Variants in COL16A1 observed in about 807,000 individuals in gnomAD.
The protein encoded by COL16A1 is collagen alpha-1(XVI) chain.
Under a neutral mutation model 266.3 loss-of-function variants are expected in COL16A1, and 189 were observed. The ratio of observed to expected loss-of-function variants is 0.71; its 90% CI spans 0.63 to 0.80. The LOEUF (loss-of-function observed/expected upper bound fraction) is 0.80, where lower values mean the gene tolerates loss of function less well. Ranked by LOEUF, COL16A1 falls within the 30% of genes least tolerant of loss-of-function variation. The pLI is 0.00. For synonymous variants in COL16A1, 740 were observed against 782.3 expected (o/e 0.95, Z 0.90); for missense variants, 1,928 against 2,122.4 (o/e 0.91, Z 1.80).
Position 31,670,236 on chromosome 1 carries a change from G to A in COL16A1, c.3195+366C>T, listed in dbSNP as rs1002493877. ...GAGAAGCAGGAGGCAGAGCGAGAAG[G>A]CAGGAATGGAGGGGCCCCCTAGAGG... On this transcript the variant is annotated intron_variant, in intron 49 of 70. Transcript: ENST00000373672. This position sits in a 1 kb window ranked among gnomAD's most constrained non-coding sequence, Gnocchi z 4.5. The A allele has an allele frequency of 4.0e-5, 10 of 251,330 alleles. No homozygotes were observed. The highest frequency in any genetic ancestry group is 1.3e-4 in the African/African-American group (6 of 44,666). 15.6% of individuals were successfully genotyped at this position (251,330 alleles called of 1,614,324 possible). A position where few individuals can be genotyped will look rare whatever the true frequency, so the allele number is the denominator to read the frequency against.
At chr1:31,676,662 G>C (rs532381892) in intron 42 of COL16A1, among the ~76,000 whole-genome samples, 19 of 152,274 alleles carry the variant, frequency 1.2e-4, no homozygotes, top group African/African-American at 4.6e-4. Context: ...TGGCTGCAAC[G>C]ATGTTTACAT....
intron 42 of COL16A1, among the ~76,000 whole-genome samples, chr1:31,676,670 C>T (rs150480397): frequency 9.2e-5 from 14 of 152,336 alleles, no homozygotes; most frequent in African/African-American, 2.6e-4. Flanking sequence ...ACGATGTTTA[C>T]ATTAAATCCA....
chr1:31,672,769 T>C lies in COL16A1; in HGVS notation c.2931A>G (p.Gly977=), dbSNP rs1409117267. The C allele has an allele frequency of 1.9e-6, 3 of 1,614,020 alleles. No individual in the cohort carries two copies. In the African/African-American group the frequency reaches 4.0e-5, roughly 22 times the overall value. Residue 977 remains glycine (G), a synonymous_variant, in exon 45 of 71, where the codon GGA becomes GGG. Transcript: ENST00000373672. ...CTGGCACACCAGGGATGCCCTGGTC[T>C]CCCTTCTCTCCCTTCTCCACGAGGT... ...PGYLVEKGEK[G]DQGIPGVPGL...
At position 31,657,927 on chromosome 1, in the gene COL16A1, T is replaced by TA. The variant is rs1557608107; in HGVS notation, c.4020+560dup. Among the ~76,000 whole-genome samples, 1 of 152,216 alleles carries TA rather than the reference T, an allele frequency of 6.6e-6. No individual in the cohort carries two copies. Among genetic ancestry groups the TA allele is most frequent in the African/African-American group, 2.4e-5 (1 of 41,460 alleles). Reference sequence around the variant, plus strand: ...GCTATGTGACTCCGAGCAACCTGCCTAACCTTGCGGAGCCCCCGTTTCCTC... The same window carrying TA: ...GCTATGTGACTCCGAGCAACCTGCCTAAACCTTGCGGAGCCCCCGTTTCCTC... On this transcript the variant is annotated intron_variant, in intron 64 of 70. Coordinates refer to ENST00000373672, the MANE Select transcript of COL16A1 (RefSeq NM_001856.4). This position sits in a 1 kb window ranked among gnomAD's most constrained non-coding sequence, Gnocchi z 6.4.
rs756480009 is a variant in COL16A1, at chr1:31,683,982, C to T, written c.2305G>A (p.Val769Ile). The T allele has an allele frequency of 1.9e-6, 3 of 1,614,098 alleles. No individual in the cohort carries two copies. The highest frequency in any genetic ancestry group is 2.5e-6 in the Non-Finnish European group (3 of 1,180,032). Residue 769 changes from valine (V) to isoleucine (I), a missense_variant, in exon 33 of 71, where the codon GTT (valine) becomes ATT (isoleucine). Physicochemically the swap from Val to Ile is conservative, Grantham distance 29. Transcript: ENST00000373672. Reference sequence around the variant, plus strand: ...CCCTTCAGTCCTGGGGGCCCTTGAACTCCTGGTAGACCGGGTTGGCCCTAA... The same window carrying T: ...CCCTTCAGTCCTGGGGGCCCTTGAATTCCTGGTAGACCGGGTTGGCCCTAA... ...GKPGQPGLPG[V>I]QGPPGLKGVQ...
At position 31,658,581 on chromosome 1, in the gene COL16A1, G is replaced by C; in HGVS notation, c.3931-4C>G. 6.3e-7 allele frequency: 1 copy of C among 1,599,446 alleles called. No homozygotes were observed. Among genetic ancestry groups the C allele is most frequent in the Non-Finnish European group, 8.5e-7 (1 of 1,174,120 alleles). ...CTCCTCGGTCTCCTTTCAGACCCTA[G>C]AGAATAGGAAGGGGGACAGTGAGAG... On this transcript the variant is annotated splice_polypyrimidine_tract_variant and splice_region_variant and intron_variant, in intron 63 of 70. Coordinates refer to ENST00000373672, the MANE Select transcript of COL16A1 (RefSeq NM_001856.4).
rs1219240860 is a variant in COL16A1, at chr1:31,664,210, C to T, written c.3555+962G>A. 6.6e-6 allele frequency among the ~76,000 whole-genome samples: 1 copy of T among 151,864 alleles called. No homozygotes were observed. Among genetic ancestry groups the T allele is most frequent in the Non-Finnish European group, 1.5e-5 (1 of 67,958 alleles). On this transcript the variant is annotated intron_variant, in intron 56 of 70. Coordinates refer to ENST00000373672, the MANE Select transcript of COL16A1 (RefSeq NM_001856.4). The surrounding 1 kb of genome is among the most constrained non-coding windows in gnomAD (Gnocchi z 5.5). ...GGGGAAGGGGAAGGGGGCTAGCAAC[C>T]ACCACTGTCCCAAGCATGGCTGATC... is the stretch of plus-strand genomic sequence containing the variant.
chr1:31,688,900 T>A lies in COL16A1; in HGVS notation c.1728A>T (p.Gly576=), dbSNP rs1644121198. ...QHLVSSTGAS[G]DVGSPGFGLP... ...GACCAAAGCCAGGGGAACCCACATC[T>A]CCACTGGCCCCTGTGGAGGACACAA... is the stretch of plus-strand genomic sequence containing the variant. Residue 576 remains glycine, a synonymous_variant, in exon 25 of 71, where the codon GGA becomes GGT. Transcript: ENST00000373672. This position sits in a 1 kb window ranked among gnomAD's most constrained non-coding sequence, Gnocchi z 4.9. 2 of 1,613,816 alleles carry A rather than the reference T, an allele frequency of 1.2e-6. No homozygotes were observed. The highest frequency in any genetic ancestry group is 2.7e-5 in the African/African-American group (2 of 74,844).
intron 42 of COL16A1, 157 bp downstream of exon 42, chr1:31,679,475 C>G (rs755366377): frequency 1.2e-6 from 2 of 1,612,338 alleles, no homozygotes; most frequent in South Asian, 1.1e-5. Flanking sequence ...AGTGGGCCCT[C>G]CTTGCCACCC....
chr1:31,682,712 C>G (rs1643732212), intron 37 of COL16A1, among the ~76,000 whole-genome samples: 1 of 152,200 alleles, frequency 6.6e-6, no homozygotes, highest in Non-Finnish European at 1.5e-5. Context: ...AGCACAGGGC[C>G]TCAGCATGAT....
In COL16A1 at chr1:31,655,440, A is replaced by G; in HGVS notation, c.4164T>C (p.Pro1388=). 1.2e-6 allele frequency: 2 copies of G among 1,614,072 alleles called. No individual in the cohort carries two copies. Among genetic ancestry groups the G allele is most frequent in the Non-Finnish European group, 1.7e-6 (2 of 1,179,996 alleles). ...TGGAACCACTCTTGCCAGGTCCACC[A>G]GGCATGCCGGCTCTCCCCTTCTCTC... ...QAGEKGRAGM[P]GGPGKSGSMG... Residue 1388 remains proline, a synonymous_variant, in exon 67 of 71, where the codon CCT becomes CCC. Transcript: ENST00000373672.
At chr1:31,695,913 C>A in intron 9 of COL16A1, 126 bp from the exon 10 acceptor site, 1 of 1,001,664 alleles carries the variant, frequency 1.0e-6, no homozygotes. Flanking sequence ...CTGCGTCTGT[C>A]TCACCCCCAT....
At chr1:31,696,911 G>A in intron 8 of COL16A1, 52 bp downstream of exon 8, 8 of 1,608,804 alleles carry the variant, frequency 5.0e-6, no homozygotes, top group South Asian at 4.4e-5. Context: ...CAGGGGAGGG[G>A]TATCTCACTT....
chr1:31,665,160 G>A lies in COL16A1; in HGVS notation c.3555+12C>T. 1 of 1,605,608 alleles carries A rather than the reference G, an allele frequency of 6.2e-7. No individual in the cohort carries two copies. On this transcript the variant is annotated intron_variant, in intron 56 of 70. Coordinates refer to ENST00000373672, the MANE Select transcript of COL16A1 (RefSeq NM_001856.4). Reference sequence around the variant, plus strand: ...CAGATCTGTGACTTTGCCAACCCAGGGTCCTGCTCACCTTCTCTGCTTGAG... The same window carrying A: ...CAGATCTGTGACTTTGCCAACCCAGAGTCCTGCTCACCTTCTCTGCTTGAG...
intron 42 of COL16A1, 93 bp from the exon 43 acceptor site, chr1:31,675,404 C>T: frequency 1.3e-6 from 2 of 1,533,388 alleles, no homozygotes; most frequent in Non-Finnish European, 8.9e-7. Context: ...CTCCTCTTCC[C>T]CTTGTCCTGC....
intron 30 of COL16A1, 79 bp downstream of exon 30, chr1:31,684,742 A>G: frequency 1.2e-6 from 2 of 1,611,462 alleles, no homozygotes; most frequent in Non-Finnish European, 1.7e-6. Flanking sequence ...GTTGGGGGCT[A>G]GGGAGGGAGG....
In COL16A1 at chr1:31,662,497, GCACA is replaced by G. The variant is rs758662915; in HGVS notation, c.3627+86_3627+89del. The G allele has an allele frequency of 2.6e-3, 4,018 of 1,550,420 alleles. 9 individuals are homozygous for G. Among genetic ancestry groups the G allele is most frequent in the Non-Finnish European group, 3.2e-3 (3,690 of 1,144,794 alleles). ...CACCCCTCCCCTGACTCCCACCTCA[GCACA>G]CACACACAGGTGCACACACACACAT... On this transcript the variant is annotated intron_variant, in intron 57 of 70. Coordinates refer to ENST00000373672, the MANE Select transcript of COL16A1 (RefSeq NM_001856.4).
At position 31,681,171 on chromosome 1, in the gene COL16A1, TC is replaced by T. The variant is rs762949657; in HGVS notation, c.2539-105del. The T allele has an allele frequency of 1.1e-3, 1,645 of 1,456,626 alleles. 3 individuals carry two copies. Among genetic ancestry groups the T allele is most frequent in the Non-Finnish European group, 1.3e-3 (1,457 of 1,103,906 alleles). 90.2% of individuals were successfully genotyped at this position (1,456,626 alleles called of 1,614,324 possible). A position where few individuals can be genotyped will look rare whatever the true frequency, so the allele number is the denominator to read the frequency against. ...AGGACAAACAGAAGCAGCGCCAGGT[TC>T]CCCTGGAGCCCAGGGCCGAGGGCCC... On this transcript the variant is annotated intron_variant, in intron 37 of 70. Coordinates refer to ENST00000373672, the MANE Select transcript of COL16A1 (RefSeq NM_001856.4).
At position 31,652,921 on chromosome 1, in the gene COL16A1, G is replaced by T. The variant is rs1261834123; in HGVS notation, c.4613-68C>A. On this transcript the variant is annotated intron_variant, in intron 70 of 70. Coordinates refer to ENST00000373672, the MANE Select transcript of COL16A1 (RefSeq NM_001856.4). This position sits in a 1 kb window ranked among gnomAD's most constrained non-coding sequence, Gnocchi z 4.8. ...ATCATAAGGGAAAAGAAGCCATAAT[G>T]GCATCAAATAATACCTTACATTTGA... The T allele has an allele frequency of 1.5e-6, 2 of 1,374,016 alleles. No homozygotes were observed. The highest frequency in any genetic ancestry group is 5.3e-5 in the East Asian group (2 of 37,826). 85.1% of individuals were successfully genotyped at this position (1,374,016 alleles called of 1,614,324 possible). A position where few individuals can be genotyped will look rare whatever the true frequency, so the allele number is the denominator to read the frequency against.
Sources: gnomAD v4.1 joint callset for allele counts (sites outside exome capture counted in the v4.1 genomes callset) on GRCh38, gnomAD v4.1.1 for gene constraint, Gnocchi (gnomAD v3.1) non-coding constraint, MANE v1.5 for transcripts, NCBI Gene and HGNC (gene_info 2026-07-23, HGNC 2026-07-21) for gene names.